The following RPL37 variants were observed in gnomAD, a reference collection of about 807,000 sequenced individuals.
The protein encoded by RPL37 is ribosomal protein L37, also known as large ribosomal subunit protein eL37.
Under a neutral mutation model 14.8 loss-of-function variants are expected in RPL37, and 1 was observed. The observed-to-expected ratio is 0.07, with a 90% CI of 0.02 to 0.32. The LOEUF is 0.32. Among genes scored for constraint, RPL37 ranks in the 10% least tolerant of loss-of-function variants. The pLI, the probability that RPL37 is intolerant of heterozygous loss-of-function variation, is 1.00. For missense variants in RPL37, 100 were observed against 128.3 expected, an observed-to-expected ratio of 0.78 and a Z score of 1.06; for synonymous variants, 53 against 45.8, an observed-to-expected ratio of 1.16 and a Z score of -0.63.
intron 1 of RPL37, 185 bp downstream of exon 1, chr5:40,834,998 C>A: frequency 1.3e-6 from 1 of 750,516 alleles, no homozygotes; most frequent in Non-Finnish European, 2.2e-6. Context: ...ACAATTACGG[C>A]GGGATAGGTC....
Position 40,827,770 on chromosome 5 carries a change from G to T in RPL37, c.*4734C>A. 6.7e-6 allele frequency: 1 copy of T among 149,002 alleles called. No homozygotes were observed. Among genetic ancestry groups the T allele is most frequent in the South Asian group, 2.1e-4 (1 of 4,700 alleles). 9.2% of individuals were successfully genotyped at this position (149,002 alleles called of 1,614,324 possible). A position where few individuals can be genotyped will look rare whatever the true frequency, so the allele number is the denominator to read the frequency against. On this transcript the variant is annotated 3_prime_UTR_variant, in exon 4 of 4. Coordinates refer to ENST00000274242, the MANE Select transcript of RPL37 (RefSeq NM_000997.5). ...GAGATGGAGTCTCGCTCTGCCGCCCGCCGTTCTCTCAGCTCACTGCAACCT... is the reference window on the plus strand; with the variant it reads ...GAGATGGAGTCTCGCTCTGCCGCCCTCCGTTCTCTCAGCTCACTGCAACCT...
chr5:40,825,940 A>C lies in RPL37; in HGVS notation c.*6564T>G, dbSNP rs1745507214. ...AGGCTGGTCTCAAACTCCTGACCTC[A>C]GGTGATCTACCCGCCTCAGAGCCTC... On this transcript the variant is annotated 3_prime_UTR_variant, in exon 4 of 4. Coordinates refer to ENST00000274242, the MANE Select transcript of RPL37 (RefSeq NM_000997.5). 1 of 152,254 alleles carries C rather than the reference A, an allele frequency of 6.6e-6. No homozygotes were observed. Among genetic ancestry groups the C allele is most frequent in the South Asian group, 2.1e-4 (1 of 4,826 alleles). 9.4% of individuals were successfully genotyped at this position (152,254 alleles called of 1,614,324 possible).
chr5:40,833,319 G>A (rs1745682780), intron 3 of RPL37, among the ~76,000 whole-genome samples: 1 of 152,288 alleles, frequency 6.6e-6, no homozygotes, highest in Middle Eastern at 3.4e-3. Flanking sequence ...GAATTATCCA[G>A]CCCAAAGTAT....
rs760736627 is a variant in RPL37, at chr5:40,834,164, G to T, written c.224+17C>A. On this transcript the variant is annotated intron_variant, in intron 3 of 3. Coordinates refer to ENST00000274242, the MANE Select transcript of RPL37 (RefSeq NM_000997.5). ...CAAGCCCACTGGACCAATTATGATC[G>T]AACATACAAACTGTACCTGAATCTG... 3.8e-6 allele frequency: 6 copies of T among 1,582,712 alleles called. No individual in the cohort carries two copies. In the East Asian group the frequency reaches 1.1e-4, roughly 29 times the overall value.
rs137937759 is a variant in RPL37 at position 40,833,054 on chromosome 5, C to A, written c.225-481G>T. On this transcript the variant is annotated intron_variant, in intron 3 of 3. Coordinates refer to ENST00000274242, the MANE Select transcript of RPL37 (RefSeq NM_000997.5). The stretch of plus-strand genomic sequence containing the variant: ...ACTCTAAGAAAGGTCAACTATCCTA[C>A]TTTTAAAAGCCTGGCTTCAGTTCAA... Among the ~76,000 whole-genome samples, 761 of 152,312 alleles carry A rather than the reference C, an allele frequency of 5.0e-3. 4 individuals are homozygous for A. The highest frequency in any genetic ancestry group is 0.016 in the African/African-American group (665 of 41,570).
In RPL37 at chr5:40,830,541, G is replaced by A. The variant is rs1408625291; in HGVS notation, c.*1963C>T. The A allele has an allele frequency of 2.0e-5, 3 of 150,312 alleles. No homozygotes were observed. The East Asian group carries it at 5.9e-4, about 30-fold the overall frequency. 9.3% of individuals were successfully genotyped at this position (150,312 alleles called of 1,614,324 possible). On this transcript the variant is annotated 3_prime_UTR_variant, in exon 4 of 4. Coordinates refer to ENST00000274242, the MANE Select transcript of RPL37 (RefSeq NM_000997.5). Reference sequence around the variant, plus strand: ...GAGGTGGAGTCTCACTGTGCCACCAGGCTGGAGCACAGTGGCATGATCTCA... The same window carrying A: ...GAGGTGGAGTCTCACTGTGCCACCAAGCTGGAGCACAGTGGCATGATCTCA...
rs1745520248 is a variant in RPL37, at chr5:40,826,483, T to C, written c.*6021A>G. On this transcript the variant is annotated 3_prime_UTR_variant, in exon 4 of 4. Coordinates refer to ENST00000274242, the MANE Select transcript of RPL37 (RefSeq NM_000997.5). The stretch of plus-strand genomic sequence containing the variant: ...GAAATTTCTTTGGAGAATTGTTAAG[T>C]GCTCAATTCAGCCTTCTTGGACAAA... 6.6e-6 allele frequency: 1 copy of C among 152,232 alleles called. No homozygotes were observed. Among genetic ancestry groups the C allele is most frequent in the Non-Finnish European group, 1.5e-5 (1 of 68,044 alleles). The allele number at this position is 152,232 out of a possible 1,614,324, so 9.4% of individuals were successfully genotyped here.
At position 40,829,124 on chromosome 5, in the gene RPL37, T is replaced by C. The variant is rs754501002; in HGVS notation, c.*3380A>G. The C allele has an allele frequency of 5.3e-5, 8 of 152,166 alleles. No individual in the cohort carries two copies. The highest frequency in any genetic ancestry group is 1.0e-4 in the Non-Finnish European group (7 of 68,024). The allele number at this position is 152,166 out of a possible 1,614,324, so 9.4% of individuals were successfully genotyped here. ...TTTTCATGCTTAAATTATACAGAAA[T>C]GGGAAGCTTGGAAGTTAGCTACTCA... On this transcript the variant is annotated 3_prime_UTR_variant, in exon 4 of 4. Transcript: ENST00000274242.
At position 40,826,821 on chromosome 5, in the gene RPL37, A is replaced by T. The variant is rs1579787774; in HGVS notation, c.*5683T>A. 1 of 152,324 alleles carries T rather than the reference A, an allele frequency of 6.6e-6. No homozygotes were observed. Among genetic ancestry groups the T allele is most frequent in the Non-Finnish European group, 1.5e-5 (1 of 68,122 alleles). The allele number at this position is 152,324 out of a possible 1,614,324, so 9.4% of individuals were successfully genotyped here. Reference sequence around the variant, plus strand: ...TCTTGAGACAGGGTCTTTGTCATCCAGGCTGGAGTGCAGTGGCACAATCAA... The same window carrying T: ...TCTTGAGACAGGGTCTTTGTCATCCTGGCTGGAGTGCAGTGGCACAATCAA... On this transcript the variant is annotated 3_prime_UTR_variant, in exon 4 of 4. Coordinates refer to ENST00000274242, the MANE Select transcript of RPL37 (RefSeq NM_000997.5).
chr5:40,834,517 C>T lies in RPL37; in HGVS notation c.93G>A (p.Lys31=), dbSNP rs1745719788. The change falls in exon 2 of 4, where the codon AAG becomes AAA. Residue 31 remains lysine (K), a synonymous_variant. Transcript: ENST00000274242. Reference sequence around the variant, plus strand: ...GGTAGCCACATTTGCCACAGGTCGACTTCTGAAGGTGGTAGGCCTTAGAGC... The same window carrying T: ...GGTAGCCACATTTGCCACAGGTCGATTTCTGAAGGTGGTAGGCCTTAGAGC... ...RCGSKAYHLQ[K]STCGKCGYPA... 1.2e-6 allele frequency: 2 copies of T among 1,613,980 alleles called. No individual in the cohort carries two copies. The highest frequency in any genetic ancestry group is 2.7e-5 in the African/African-American group (2 of 74,922).
In RPL37 at chr5:40,834,456, A is replaced by G. The variant is rs1254348820; in HGVS notation, c.139+15T>C. On this transcript the variant is annotated intron_variant, in intron 2 of 3. Coordinates refer to ENST00000274242, the MANE Select transcript of RPL37 (RefSeq NM_000997.5). ...AACAAAAGCTAACACAGTTGGCCTGAAAAATGTTACTTACACTTTCTCTTG... is the reference window on the plus strand; with the variant it reads ...AACAAAAGCTAACACAGTTGGCCTGGAAAATGTTACTTACACTTTCTCTTG... 3 of 1,608,900 alleles carry G rather than the reference A, an allele frequency of 1.9e-6. No individual in the cohort carries two copies. Among genetic ancestry groups the G allele is most frequent in the Non-Finnish European group, 8.5e-7 (1 of 1,178,566 alleles).
Position 40,828,736 on chromosome 5 carries a change from G to A in RPL37, c.*3768C>T, listed in dbSNP as rs902482458. The A allele has an allele frequency of 2.0e-5, 3 of 152,076 alleles. No individual in the cohort carries two copies. Among genetic ancestry groups the A allele is most frequent in the African/African-American group, 7.2e-5 (3 of 41,396 alleles). The allele number at this position is 152,076 out of a possible 1,614,324, so 9.4% of individuals were successfully genotyped here. ...CCCCCTCAAACAATCCCCTTCCTTG[G>A]TTTGTGTGACTCCATCCAATTCTAG... On this transcript the variant is annotated 3_prime_UTR_variant, in exon 4 of 4. Coordinates refer to ENST00000274242, the MANE Select transcript of RPL37 (RefSeq NM_000997.5).
In RPL37 at chr5:40,828,668, A is replaced by G. The variant is rs541963857; in HGVS notation, c.*3836T>C. 13 of 152,188 alleles carry G rather than the reference A, an allele frequency of 8.5e-5. No individual in the cohort carries two copies. Among genetic ancestry groups the G allele is most frequent in the African/African-American group, 1.7e-4 (7 of 41,434 alleles). 9.4% of individuals were successfully genotyped at this position (152,188 alleles called of 1,614,324 possible). On this transcript the variant is annotated 3_prime_UTR_variant, in exon 4 of 4. Transcript: ENST00000274242. ...TTTGCCAAATCCAGAATTTTAAAAT[A>G]TATCTTCATTCTCTTTGGCCTCAGC... is the stretch of plus-strand genomic sequence containing the variant.
Position 40,834,598 on chromosome 5 carries a change from T to C in RPL37, c.12A>G (p.Gly4=). MTK[G]TSSFGKRRNK... ...TGCGACGCTTTCCAAACGATGACGT[T>C]CCCTTCGTCTGCACATTAAAGGAAT... Residue 4 remains glycine (G), a synonymous_variant, in exon 2 of 4, where the codon GGA becomes GGG. Transcript: ENST00000274242. 1 of 1,612,092 alleles carries C rather than the reference T, an allele frequency of 6.2e-7. No individual in the cohort carries two copies. The highest frequency in any genetic ancestry group is 1.1e-5 in the South Asian group (1 of 90,726).
rs1745493022 is a variant in RPL37 at position 40,825,476 on chromosome 5, A to G, written c.*7028T>C. 6.6e-6 allele frequency: 1 copy of G among 152,282 alleles called. No homozygotes were observed. Among genetic ancestry groups the G allele is most frequent in the South Asian group, 2.1e-4 (1 of 4,818 alleles). 9.4% of individuals were successfully genotyped at this position (152,282 alleles called of 1,614,324 possible). A position where few individuals can be genotyped will look rare whatever the true frequency, so the allele number is the denominator to read the frequency against. On this transcript the variant is annotated 3_prime_UTR_variant, in exon 4 of 4. Transcript: ENST00000274242. Reference sequence around the variant, plus strand: ...CGTTCCCAGAGGTTTCTCTCTCTAGAGCAATCCCTAATAGGACAATTGTTC... The same window carrying G: ...CGTTCCCAGAGGTTTCTCTCTCTAGGGCAATCCCTAATAGGACAATTGTTC...
In RPL37 at chr5:40,825,455, C is replaced by T. The variant is rs1745492299; in HGVS notation, c.*7049G>A. Reference sequence around the variant, plus strand: ...CTGTGCTGCCTCACAGGGGTACGTTCCCAGAGGTTTCTCTCTCTAGAGCAA... The same window carrying T: ...CTGTGCTGCCTCACAGGGGTACGTTTCCAGAGGTTTCTCTCTCTAGAGCAA... On this transcript the variant is annotated 3_prime_UTR_variant, in exon 4 of 4. Transcript: ENST00000274242. 6.6e-6 allele frequency: 1 copy of T among 152,180 alleles called. No homozygotes were observed. The highest frequency in any genetic ancestry group is 2.1e-4 in the South Asian group (1 of 4,832). The allele number at this position is 152,180 out of a possible 1,614,324, so 9.4% of individuals were successfully genotyped here.
At position 40,828,156 on chromosome 5, in the gene RPL37, AG is replaced by A. The variant is rs372903917; in HGVS notation, c.*4347del. The A allele has an allele frequency of 2.1e-3, 319 of 152,326 alleles. 1 individual carries two copies. The highest frequency in any genetic ancestry group is 7.4e-3 in the African/African-American group (307 of 41,566). 9.4% of individuals were successfully genotyped at this position (152,326 alleles called of 1,614,324 possible). On this transcript the variant is annotated 3_prime_UTR_variant, in exon 4 of 4. Transcript: ENST00000274242. ...TCTGCAAGCAACCCAAAACTCAAAAAGGGCTGAATGATAAGTCATTCAGGTA... is the reference window on the plus strand; with the variant it reads ...TCTGCAAGCAACCCAAAACTCAAAAAGGCTGAATGATAAGTCATTCAGGTA...
At position 40,830,885 on chromosome 5, in the gene RPL37, AC is replaced by A. The variant is rs1745627429; in HGVS notation, c.*1618del. 1 of 151,996 alleles carries A rather than the reference AC, an allele frequency of 6.6e-6. No homozygotes were observed. Among genetic ancestry groups the A allele is most frequent in the Non-Finnish European group, 1.5e-5 (1 of 68,040 alleles). The allele number at this position is 151,996 out of a possible 1,614,324, so 9.4% of individuals were successfully genotyped here. On this transcript the variant is annotated 3_prime_UTR_variant, in exon 4 of 4. Transcript: ENST00000274242. ...CCAAACTTCACCAGCTTTACATTAT[AC>A]CCACAGCAACTCAGCTGTCTTTCAA... is the stretch of plus-strand genomic sequence containing the variant.
chr5:40,831,649 CTT>C lies in RPL37; in HGVS notation c.*853_*854del, dbSNP rs1745641594. On this transcript the variant is annotated 3_prime_UTR_variant, in exon 4 of 4. Coordinates refer to ENST00000274242, the MANE Select transcript of RPL37 (RefSeq NM_000997.5). ...CCCTCTCACTCAGCAGTCCAGTTGA[CTT>C]TGTCCCTTCATTTTAAAAAAACAAA... 6.6e-6 allele frequency: 1 copy of C among 152,322 alleles called. No individual in the cohort carries two copies. The highest frequency in any genetic ancestry group is 2.4e-5 in the African/African-American group (1 of 41,440). 9.4% of individuals were successfully genotyped at this position (152,322 alleles called of 1,614,324 possible). A position where few individuals can be genotyped will look rare whatever the true frequency, so the allele number is the denominator to read the frequency against.
Sources: gnomAD v4.1 joint callset for allele counts (sites outside exome capture counted in the v4.1 genomes callset) on GRCh38, gnomAD v4.1.1 for gene constraint, MANE v1.5 for transcripts, NCBI Gene and HGNC (gene_info 2026-07-23, HGNC 2026-07-21) for gene names.